FAM117B: variants seen among roughly 807,000 people sequenced by gnomAD.
The protein encoded by FAM117B is family with sequence similarity 117 member B.
In FAM117B, 22 loss-of-function variants were observed where a neutral mutation model predicts 52.8. The ratio of observed to expected loss-of-function variants is 0.42; its 90% CI spans 0.30 to 0.59. The LOEUF (loss-of-function observed/expected upper bound fraction) is 0.59, where lower values mean the gene tolerates loss of function less well. Among genes scored for constraint, FAM117B ranks in the 20% least tolerant of loss-of-function variants. The pLI, the probability that FAM117B is intolerant of heterozygous loss-of-function variation, is 0.22. For missense variants in FAM117B, 678 were observed against 802.6 expected, an observed-to-expected ratio of 0.84 and a Z score of 1.88; for synonymous variants, 309 against 324.1, an observed-to-expected ratio of 0.95 and a Z score of 0.50.
intron 2 of FAM117B, among the ~76,000 whole-genome samples, chr2:202,704,423 A>G (rs1690843237): frequency 6.6e-6 from 1 of 152,176 alleles, no homozygotes; most frequent in South Asian, 2.1e-4. Context: ...TGAGACTGAT[A>G]AGTGATTTCT....
chr2:202,687,544 G>A (rs1690560307), intron 1 of FAM117B, among the ~76,000 whole-genome samples: 1 of 152,036 alleles, frequency 6.6e-6, no homozygotes, highest in South Asian at 2.1e-4. Flanking sequence ...CTTGTAGCTG[G>A]GACTACAGGC....
At chr2:202,653,467 T>C (rs1689986202) in intron 1 of FAM117B, among the ~76,000 whole-genome samples, 1 of 152,172 alleles carries the variant, frequency 6.6e-6, no homozygotes, top group Non-Finnish European at 1.5e-5. Context: ...GCCTCCAGAG[T>C]TGCTGGGATT....
chr2:202,655,759 A>AGTGTGT (rs1690046459), intron 1 of FAM117B, among the ~76,000 whole-genome samples: 1 of 122,032 alleles, frequency 8.2e-6, no homozygotes, highest in African/African-American at 3.0e-5. Context: ...AGAGAGAGAG[A>AGTGTGT]GAGTGTGTGT....
chr2:202,713,778 C>T (rs1275233538), intron 2 of FAM117B, among the ~76,000 whole-genome samples: 1 of 152,148 alleles, frequency 6.6e-6, no homozygotes, highest in Non-Finnish European at 1.5e-5. Context: ...GTGATCTTGG[C>T]TCACTGCAAC....
intron 1 of FAM117B, among the ~76,000 whole-genome samples, chr2:202,694,334 G>T (rs529152143): frequency 6.6e-6 from 1 of 151,616 alleles, no homozygotes; most frequent in Non-Finnish European, 1.5e-5. Context: ...GGGATTACAG[G>T]CGCCCGCCAC....
rs559034575 is a variant in FAM117B, at chr2:202,690,152, T to G, written c.602-5729T>G. ...GGACCCAAGGCGTTGACTGAAATTT[T>G]CAATGCTACACCCTGCTATATGTAG... is the stretch of plus-strand genomic sequence containing the variant. On this transcript the variant is annotated intron_variant, in intron 1 of 7. Transcript: ENST00000392238. 3.9e-5 allele frequency among the ~76,000 whole-genome samples: 6 copies of G among 152,280 alleles called. No homozygotes were observed. The East Asian group carries it at 1.2e-3, about 29-fold the overall frequency.
chr2:202,749,717 C>T (rs908599996), intron 4 of FAM117B, among the ~76,000 whole-genome samples: 5 of 151,802 alleles, frequency 3.3e-5, no homozygotes, highest in African/African-American at 1.2e-4. Context: ...TCACTTGAGG[C>T]CAGGAGTTTG....
chr2:202,719,252 G>A (rs1447257914), intron 2 of FAM117B, among the ~76,000 whole-genome samples: 1 of 152,066 alleles, frequency 6.6e-6, no homozygotes, highest in African/African-American at 2.4e-5. Context: ...AAAGCTGTCT[G>A]TTGTTCTTTA....
At position 202,635,689 on chromosome 2, in the gene FAM117B, G is replaced by T. The variant is rs1689672669; in HGVS notation, c.502G>T (p.Ala168Ser). ...CCTGTGGACCGGCGAGGTGAGCGCG[G>T]CCCCACCCCCAGCCCGCGTCCGGCA... ...THLWTGEVSA[A>S]PPPARVRHRR... Residue 168 changes from alanine (A) to serine (S), a missense_variant, in exon 1 of 8, where the codon GCC becomes TCC. By Grantham distance (99) the Ala-to-Ser change is moderately conservative. Coordinates refer to ENST00000392238, the MANE Select transcript of FAM117B (RefSeq NM_173511.4). The T allele has an allele frequency of 7.1e-7, 1 of 1,417,834 alleles. No individual in the cohort carries two copies. Among genetic ancestry groups the T allele is most frequent in the Non-Finnish European group, 9.2e-7 (1 of 1,086,628 alleles). 87.8% of individuals were successfully genotyped at this position (1,417,834 alleles called of 1,614,324 possible).
At chr2:202,637,710 A>C (rs965008218) in intron 1 of FAM117B, among the ~76,000 whole-genome samples, 1 of 152,036 alleles carries the variant, frequency 6.6e-6, no homozygotes, top group Non-Finnish European at 1.5e-5. Flanking sequence ...GCTTTTAGAG[A>C]GGTTAAGTAA....
At chr2:202,649,047 C>T (rs1203124254) in intron 1 of FAM117B, among the ~76,000 whole-genome samples, 3 of 152,248 alleles carry the variant, frequency 2.0e-5, no homozygotes, top group Non-Finnish European at 4.4e-5. Flanking sequence ...CCACCGTGCC[C>T]GGCTGACAAA....
At chr2:202,755,782 G>T in intron 5 of FAM117B, 101 bp downstream of exon 5, 1 of 1,196,124 alleles carries the variant, frequency 8.4e-7, no homozygotes, top group Non-Finnish European at 1.1e-6. Context: ...CCTTCTCATT[G>T]AGAGAGCAAA....
intron 1 of FAM117B, among the ~76,000 whole-genome samples, chr2:202,663,864 G>GT (rs1240675933): frequency 6.6e-5 from 10 of 152,174 alleles, no homozygotes; most frequent in African/African-American, 2.4e-4. Flanking sequence ...GATTACAGGC[G>GT]TGAGCCACTG....
chr2:202,675,096 A>G (rs1293830349), intron 1 of FAM117B, among the ~76,000 whole-genome samples: 1 of 151,908 alleles, frequency 6.6e-6, no homozygotes, highest in Non-Finnish European at 1.5e-5. Flanking sequence ...TAGCCCAGGC[A>G]TGGTGGCGCA....
rs962841067 is a variant in FAM117B at position 202,663,197 on chromosome 2, T to C, written c.601+27409T>C. Among the ~76,000 whole-genome samples, 4 of 152,336 alleles carry C rather than the reference T, an allele frequency of 2.6e-5. No individual in the cohort carries two copies. The South Asian group carries it at 8.3e-4, about 32-fold the overall frequency. ...TCCACATTTATTATTGGGTAGTCTT[T>C]TGCTGTTATAAACAGTGCACAGAAC... On this transcript the variant is annotated intron_variant, in intron 1 of 7. Coordinates refer to ENST00000392238, the MANE Select transcript of FAM117B (RefSeq NM_173511.4).
chr2:202,686,739 G>A (rs984404915), intron 1 of FAM117B, among the ~76,000 whole-genome samples: 8 of 152,040 alleles, frequency 5.3e-5, no homozygotes, highest in Non-Finnish European at 1.0e-4. Context: ...CCTGGGAGGG[G>A]GAGGTTGCAG....
intron 4 of FAM117B, among the ~76,000 whole-genome samples, chr2:202,733,000 A>G (rs972580613): frequency 7.2e-5 from 11 of 152,132 alleles, no homozygotes; most frequent in African/African-American, 1.2e-4. Context: ...CAATATTTCA[A>G]CGTAGGTTCT....
At chr2:202,719,643 T>C (rs1691118729) in intron 2 of FAM117B, among the ~76,000 whole-genome samples, 1 of 152,154 alleles carries the variant, frequency 6.6e-6, no homozygotes, top group South Asian at 2.1e-4. Flanking sequence ...TCAGGAGATG[T>C]AAGATTGATA....
At position 202,691,760 on chromosome 2, in the gene FAM117B, A is replaced by AT. The variant is rs1026011737; in HGVS notation, c.602-4112dup. Among the ~76,000 whole-genome samples, 15 of 149,214 alleles carry AT rather than the reference A, an allele frequency of 1.0e-4. No homozygotes were observed. In the South Asian group the frequency reaches 1.1e-3, roughly 11 times the overall value. On this transcript the variant is annotated intron_variant, in intron 1 of 7. Coordinates refer to ENST00000392238, the MANE Select transcript of FAM117B (RefSeq NM_173511.4). The stretch of plus-strand genomic sequence containing the variant: ...TTTTCTTGCGACTATCCCGAAAGGG[A>AT]TTTTTTTTTAGTTAGAGGAAAAATT...
Sources: allele counts gnomAD v4.1 joint callset (sites outside exome capture counted in the v4.1 genomes callset), GRCh38; gene constraint gnomAD v4.1.1; transcripts MANE v1.5; gene names NCBI Gene and HGNC (gene_info 2026-07-23, HGNC 2026-07-21).